PADI2: variants seen among roughly 807,000 people sequenced by gnomAD.
PADI2 encodes protein-arginine deiminase type-2.
A neutral mutation model predicts 81.1 loss-of-function variants in PADI2; 70 were observed. The ratio of observed to expected loss-of-function variants is 0.86; its 90% CI spans 0.71 to 1.05. PADI2 has a LOEUF of 1.05. Ranked by LOEUF, PADI2 falls within the 50% of genes least tolerant of loss-of-function variation. The probability of loss-of-function intolerance (pLI) is 0.00; values close to 1 mark genes in which losing one functional copy is unlikely to be tolerated. For missense variants in PADI2, 853 were observed against 889.9 expected, an observed-to-expected ratio of 0.96 and a Z score of 0.53; for synonymous variants, 338 against 358.0, an observed-to-expected ratio of 0.94 and a Z score of 0.63.
intron 13 of PADI2, among the ~76,000 whole-genome samples, chr1:17,074,392 CA>C (rs71006417): frequency 0.041 from 5,901 of 142,372 alleles, 170 homozygotes; most frequent in Middle Eastern, 0.082. Flanking sequence ...AACTCTGTCT[CA>C]AAAAAAAAAA....
intron 11 of PADI2, among the ~76,000 whole-genome samples, chr1:17,076,064 C>T (rs2078300162): frequency 6.6e-6 from 1 of 152,192 alleles, no homozygotes; most frequent in African/African-American, 2.4e-5. Context: ...GCCCAGGCTT[C>T]AGCCCTTGAG....
chr1:17,072,437 T>C (rs1255721258), intron 13 of PADI2, among the ~76,000 whole-genome samples: 2 of 152,190 alleles, frequency 1.3e-5, no homozygotes, highest in African/African-American at 4.8e-5. Flanking sequence ...GATATAAGCA[T>C]TTTTCTGGAG....
intron 12 of PADI2, chr1:17,075,339 G>C (rs2078294302): frequency 9.0e-6 from 3 of 334,700 alleles, no homozygotes. Flanking sequence ...ATAGCCACTA[G>C]CCTTATGTGA....
At chr1:17,098,884 G>C (rs1156896688) in intron 3 of PADI2, among the ~76,000 whole-genome samples, 1 of 152,244 alleles carries the variant, frequency 6.6e-6, no homozygotes, top group Non-Finnish European at 1.5e-5. Flanking sequence ...CAGGGCTGGT[G>C]TGACCTGCCC....
In PADI2 at chr1:17,093,613, C is replaced by A. The variant is rs759130643; in HGVS notation, c.483G>T (p.Trp161Cys). The A allele has an allele frequency of 6.2e-7, 1 of 1,614,052 alleles. No individual in the cohort carries two copies. The highest frequency in any genetic ancestry group is 8.5e-7 in the Non-Finnish European group (1 of 1,179,938). The change falls in exon 5 of 16, where the codon TGG becomes TGT. Residue 161 changes from tryptophan to cysteine, a missense_variant. By Grantham distance (215) the Trp-to-Cys change is radical. Transcript: ENST00000375486. ...CATCACGGCAGTCCTCCTTGGGCAACCAGGGTGTCTCTCGGTCACAGTTCA... is the reference window on the plus strand; with the variant it reads ...CATCACGGCAGTCCTCCTTGGGCAAACAGGGTGTCTCTCGGTCACAGTTCA... ...LLVNCDRETP[W>C]LPKEDCRDEK...
At chr1:17,113,915 G>A (rs551406819) in intron 1 of PADI2, among the ~76,000 whole-genome samples, 1 of 152,186 alleles carries the variant, frequency 6.6e-6, no homozygotes, top group African/African-American at 2.4e-5. Context: ...CCAACTCAGG[G>A]CCCTGCAGTC....
chr1:17,071,355 C>T, intron 14 of PADI2, 51 bp downstream of exon 14: 1 of 1,366,746 alleles, frequency 7.3e-7, no homozygotes, highest in Non-Finnish European at 1.0e-6. Flanking sequence ...AGGGCCTGAG[C>T]CTCATCCCTC....
At position 17,093,626 on chromosome 1, in the gene PADI2, C is replaced by A. The variant is rs138321729; in HGVS notation, c.470G>T (p.Arg157Leu). 6.2e-7 allele frequency: 1 copy of A among 1,614,090 alleles called. No homozygotes were observed. The highest frequency in any genetic ancestry group is 8.5e-7 in the Non-Finnish European group (1 of 1,179,946). Residue 157 changes from arginine (R) to leucine (L), a missense_variant, in exon 5 of 16, where the codon CGA becomes CTA. Physicochemically the swap from Arg to Leu is moderately radical, Grantham distance 102. Coordinates refer to ENST00000375486, the MANE Select transcript of PADI2 (RefSeq NM_007365.3). ...QGAILLVNCD[R>L]ETPWLPKEDC... ...CTCCTTGGGCAACCAGGGTGTCTCT[C>A]GGTCACAGTTCACCAGCAGGATGGC...
intron 4 of PADI2, among the ~76,000 whole-genome samples, chr1:17,095,663 C>T (rs1463983277): frequency 6.6e-6 from 1 of 152,172 alleles, no homozygotes; most frequent in East Asian, 1.9e-4. Context: ...TCCTTCCCAG[C>T]AGTTCCATGA....
rs530378952 is a variant in PADI2, at chr1:17,093,241, G to T, written c.529+326C>A. On this transcript the variant is annotated intron_variant, in intron 5 of 15. Transcript: ENST00000375486. ...CTCCTGAGTAGTTGGGATTACAGGT[G>T]CATGCCACCACGCTCAGCCAATTTT... 5.3e-5 allele frequency among the ~76,000 whole-genome samples: 8 copies of T among 152,054 alleles called. No individual in the cohort carries two copies. In the East Asian group the frequency reaches 1.4e-3, roughly 26 times the overall value.
intron 3 of PADI2, among the ~76,000 whole-genome samples, chr1:17,100,408 C>G (rs1931101050): frequency 6.6e-6 from 1 of 152,050 alleles, no homozygotes; most frequent in Admixed American, 6.6e-5. Flanking sequence ...CCTCAGCCTC[C>G]TGAGTAGCTG....
Position 17,086,464 on chromosome 1 carries a change from G to C in PADI2, c.834+57C>G. 5 of 1,446,184 alleles carry C rather than the reference G, an allele frequency of 3.5e-6. No individual in the cohort carries two copies. In the South Asian group the frequency reaches 5.1e-5, roughly 15 times the overall value. The allele number at this position is 1,446,184 out of a possible 1,614,324, so 89.6% of individuals were successfully genotyped here. On this transcript the variant is annotated intron_variant, in intron 7 of 15. Coordinates refer to ENST00000375486, the MANE Select transcript of PADI2 (RefSeq NM_007365.3). ...TAGCATAGGAATGGCCCACTAGTAG[G>C]AGACCCACCCTGGCCCCTGGGGTTA...
chr1:17,087,484 G>GTTTATTTA (rs1440733727), intron 6 of PADI2, among the ~76,000 whole-genome samples: 5 of 78,426 alleles, frequency 6.4e-5, no homozygotes, highest in African/African-American at 1.7e-4. Flanking sequence ...TTTTATGTTT[G>GTTTATTTA]TTTGTTTGTT....
intron 1 of PADI2, among the ~76,000 whole-genome samples, chr1:17,106,448 C>CTTT (rs1163064553): frequency 7.1e-6 from 1 of 141,186 alleles, no homozygotes; most frequent in Non-Finnish European, 1.6e-5. Context: ...TTTTCTTCTT[C>CTTT]TTTTTTTTTT....
At chr1:17,088,920 A>ACAC (rs1343629603) in intron 6 of PADI2, among the ~76,000 whole-genome samples, 1 of 146,510 alleles carries the variant, frequency 6.8e-6, no homozygotes. Flanking sequence ...AAAAAAAAAA[A>ACAC]AAAAAAAAAA....
At chr1:17,090,555 C>A (rs1408476004) in intron 6 of PADI2, among the ~76,000 whole-genome samples, 1 of 149,822 alleles carries the variant, frequency 6.7e-6, no homozygotes, top group East Asian at 2.0e-4. Flanking sequence ...GACTGTGCTC[C>A]TGGTCAATTA....
In PADI2 at chr1:17,119,220, C is replaced by G; in HGVS notation, c.92+60G>C. ...GGCTGTCCACGTCCCCGAGTCTGAG[C>G]GCGTCTCAGGATTTCTGGGCTCGAG... On this transcript the variant is annotated intron_variant, in intron 1 of 15. Coordinates refer to ENST00000375486, the MANE Select transcript of PADI2 (RefSeq NM_007365.3). This position sits in a 1 kb window ranked among gnomAD's most constrained non-coding sequence, Gnocchi z 4.8. 1 of 1,201,060 alleles carries G rather than the reference C, an allele frequency of 8.3e-7. No homozygotes were observed. Among genetic ancestry groups the G allele is most frequent in the Non-Finnish European group, 1.2e-6 (1 of 855,388 alleles). 74.4% of individuals were successfully genotyped at this position (1,201,060 alleles called of 1,614,324 possible).
intron 6 of PADI2, among the ~76,000 whole-genome samples, chr1:17,087,525 G>A (rs2746523): frequency 0.33 from 49,655 of 151,272 alleles, 8,616 homozygotes; most frequent in East Asian, 0.59. Context: ...TTTTGAGACA[G>A]ATTCTTGCTC....
intron 3 of PADI2, 70 bp downstream of exon 3, chr1:17,102,917 C>T (rs761327043): frequency 2.6e-6 from 3 of 1,167,280 alleles, no homozygotes; most frequent in South Asian, 1.3e-5. Flanking sequence ...CGCCTAAGTG[C>T]CCCAGAGAAG....
Sources: gnomAD v4.1 joint callset for allele counts (sites outside exome capture counted in the v4.1 genomes callset) on GRCh38, gnomAD v4.1.1 for gene constraint, Gnocchi (gnomAD v3.1) non-coding constraint, MANE v1.5 for transcripts, NCBI Gene and HGNC (gene_info 2026-07-23, HGNC 2026-07-21) for gene names.